The following DMD variants were observed in gnomAD, a reference collection of about 807,000 sequenced individuals.
The protein encoded by DMD is dystrophin.
DMD carries 63 observed loss-of-function variants against 330.1 expected under a neutral mutation model. The observed-to-expected ratio is 0.19, with a 90% CI of 0.16 to 0.24. The LOEUF (loss-of-function observed/expected upper bound fraction) is 0.24, where lower values mean the gene tolerates loss of function less well. DMD is among the 10% of genes least tolerant of loss of function. The pLI is 1.00. For synonymous variants in DMD, 1,223 were observed against 959.8 expected, an observed-to-expected ratio of 1.27 and a Z score of -5.07; for missense variants, 3,344 against 2,684.1, an observed-to-expected ratio of 1.25 and a Z score of -5.43.
At chrX:31,725,146 T>C (rs2085920321) in intron 52 of DMD, among the ~76,000 whole-genome samples, 1 of 111,656 alleles carries the variant, frequency 9.0e-6, no homozygotes, top group African/African-American at 3.3e-5. Flanking sequence ...TGAATTCTAC[T>C]TCCTCACTTG....
chrX:32,785,416 T>TGAGATCAA (rs2075265016), intron 7 of DMD, among the ~76,000 whole-genome samples: 1 of 111,691 alleles, frequency 9.0e-6, no homozygotes, highest in Non-Finnish European at 1.9e-5. Flanking sequence ...TTGATCAATC[T>TGAGATCAA]GAGGAAAGAT....
chrX:32,848,221 G>T (rs777272017), intron 3 of DMD, among the ~76,000 whole-genome samples: 1 of 111,581 alleles, frequency 9.0e-6, no homozygotes, highest in Non-Finnish European at 1.9e-5. Flanking sequence ...GATTTTTCAC[G>T]AACATTTGGA....
intron 44 of DMD, among the ~76,000 whole-genome samples, chrX:32,090,623 G>A (rs1350932486): frequency 2.7e-5 from 3 of 111,672 alleles, no homozygotes; most frequent in Admixed American, 9.5e-5. Context: ...CATGATCATC[G>A]CTCTCTAATT....
chrX:31,728,443 G>A (rs191505892), intron 52 of DMD, among the ~76,000 whole-genome samples: 2 of 112,105 alleles, frequency 1.8e-5, no homozygotes, highest in East Asian at 5.6e-4. Context: ...ACACACACAT[G>A]TGCACACACC....
chrX:32,581,820 A>T (rs1227046338), intron 13 of DMD, among the ~76,000 whole-genome samples: 1 of 111,985 alleles, frequency 8.9e-6, no homozygotes, highest in Non-Finnish European at 1.9e-5. Flanking sequence ...GAATCAAAGA[A>T]AATCTAGCAA....
intron 55 of DMD, among the ~76,000 whole-genome samples, chrX:31,519,909 A>T (rs893114868): frequency 8.9e-5 from 10 of 111,810 alleles, no homozygotes; most frequent in African/African-American, 3.3e-4. Flanking sequence ...TTTCTTCTGG[A>T]GAGTGTGACT....
chrX:32,865,381 A>G (rs1202871289), intron 2 of DMD, among the ~76,000 whole-genome samples: 1 of 111,730 alleles, frequency 9.0e-6, no homozygotes, highest in Non-Finnish European at 1.9e-5. Flanking sequence ...TGGAGAGAAC[A>G]ACAGAGTGAA....
At chrX:31,732,915 C>G in intron 51 of DMD, among the ~76,000 whole-genome samples, 1 of 111,500 alleles carries the variant, frequency 9.0e-6, no homozygotes, top group Non-Finnish European at 1.9e-5. Context: ...TTAAAGCGAA[C>G]AAAACTAAAA....
chrX:31,407,288 C>T (rs1377887178), intron 60 of DMD, among the ~76,000 whole-genome samples: 3 of 110,114 alleles, frequency 2.7e-5, no homozygotes, highest in Non-Finnish European at 3.8e-5. Context: ...CCTCAGCCTC[C>T]GTAGTAGCTG....
intron 60 of DMD, among the ~76,000 whole-genome samples, chrX:31,402,496 T>G (rs368301351): frequency 4.5e-5 from 5 of 112,265 alleles, no homozygotes; most frequent in African/African-American, 1.6e-4. Context: ...TCTCTTGGCT[T>G]CAGTATCCTA....
chrX:33,218,330 A>G (rs1163515197), intron 1 of DMD, among the ~76,000 whole-genome samples: 3 of 111,070 alleles, frequency 2.7e-5, no homozygotes, highest in East Asian at 5.6e-4. Flanking sequence ...TTATTATCAA[A>G]ATACTTCTTC....
chrX:32,540,767 C>T (rs1281629551), intron 17 of DMD, among the ~76,000 whole-genome samples: 1 of 111,219 alleles, frequency 9.0e-6, no homozygotes, highest in African/African-American at 3.3e-5. Context: ...TACAACAAAA[C>T]GAATGTAATG....
intron 42 of DMD, among the ~76,000 whole-genome samples, chrX:32,292,299 A>ATTT (rs1355530949): frequency 4.2e-4 from 13 of 30,822 alleles, no homozygotes; most frequent in Admixed American, 1.4e-3. Context: ...CAAAGGGAAT[A>ATTT]TTCTTTTTTT....
intron 44 of DMD, among the ~76,000 whole-genome samples, chrX:32,204,048 C>T (rs188965893): frequency 9.0e-6 from 1 of 111,696 alleles, no homozygotes; most frequent in Non-Finnish European, 1.9e-5. Context: ...ATCTTCATCA[C>T]TTAATATATT....
intron 13 of DMD, among the ~76,000 whole-genome samples, chrX:32,591,983 C>A (rs773758638): frequency 1.8e-5 from 2 of 112,481 alleles, no homozygotes; most frequent in Admixed American, 1.9e-4. Flanking sequence ...GCATGCCAGC[C>A]CCCTGCTGCC....
chrX:33,156,825 A>C (rs2048527813), intron 1 of DMD, among the ~76,000 whole-genome samples: 1 of 111,910 alleles, frequency 8.9e-6, no homozygotes, highest in South Asian at 3.7e-4. Flanking sequence ...ACATGCACAG[A>C]AGGTTATTGT....
At chrX:32,803,196 A>G (rs1237482676) in intron 7 of DMD, among the ~76,000 whole-genome samples, 1 of 111,133 alleles carries the variant, frequency 9.0e-6, no homozygotes, top group Non-Finnish European at 1.9e-5. Context: ...TTAATCTTGG[A>G]AGAGTGTATA....
chrX:32,685,369 A>C lies in DMD; in HGVS notation c.960+12501T>G, dbSNP rs772312040. On this transcript the variant is annotated intron_variant, in intron 9 of 78. Coordinates refer to ENST00000357033, the MANE Select transcript of DMD (RefSeq NM_004006.3). Reference sequence around the variant, plus strand: ...CAGAAAGAGGACTACATATCTTAGGAAGCAGATAATTGCCACTGGATTTAG... The same window carrying C: ...CAGAAAGAGGACTACATATCTTAGGCAGCAGATAATTGCCACTGGATTTAG... Among the ~76,000 whole-genome samples, 18 of 111,947 alleles carry C rather than the reference A, an allele frequency of 1.6e-4. 1 individual carries two copies. In the South Asian group the frequency reaches 6.6e-3, roughly 41 times the overall value.
At chrX:33,223,336 A>G (rs1256480767) in intron 1 of DMD, among the ~76,000 whole-genome samples, 1 of 111,770 alleles carries the variant, frequency 8.9e-6, no homozygotes, top group African/African-American at 3.3e-5. Context: ...CAAACAAACA[A>G]AAACAATATT....
Sources: gnomAD v4.1 joint callset for allele counts (sites outside exome capture counted in the v4.1 genomes callset) on GRCh38, gnomAD v4.1.1 for gene constraint, MANE v1.5 for transcripts, NCBI Gene and HGNC (gene_info 2026-07-23, HGNC 2026-07-21) for gene names.